Variants in WDPCP observed in about 807,000 individuals in gnomAD.
WDPCP encodes WD repeat-containing and planar cell polarity effector protein fritz homolog.
Under a neutral mutation model 93.1 loss-of-function variants are expected in WDPCP, and 71 were observed. The observed-to-expected ratio is 0.76, with a 90% CI of 0.63 to 0.93. WDPCP has a LOEUF of 0.93. Among genes scored for constraint, WDPCP ranks in the 40% least tolerant of loss-of-function variants. The probability of loss-of-function intolerance (pLI) is 0.00; values close to 1 mark genes in which losing one functional copy is unlikely to be tolerated. For missense variants in WDPCP, 844 were observed against 887.4 expected (o/e 0.95, Z 0.62); for synonymous variants, 315 against 315.0 (o/e 1.00, Z 0.00).
chr2:63,808,455 C>A (rs1374715838), intron 2 of WDPCP, among the ~76,000 whole-genome samples: 2 of 151,910 alleles, frequency 1.3e-5, no homozygotes, highest in East Asian at 1.9e-4. Context: ...GATTCTCCTG[C>A]CTCAGCCTGC....
intron 2 of WDPCP, among the ~76,000 whole-genome samples, chr2:63,771,254 A>C (rs1575769111): frequency 6.6e-6 from 1 of 151,826 alleles, no homozygotes; most frequent in Non-Finnish European, 1.5e-5. Flanking sequence ...AAAAATAATA[A>C]AATATTATAA....
upstream of WDPCP, among the ~76,000 whole-genome samples, chr2:63,591,496 A>G (rs1709201092): frequency 6.6e-6 from 1 of 152,234 alleles, no homozygotes; most frequent in African/African-American, 2.4e-5. Context: ...TACTGTGAAC[A>G]TGTTTTTAAG....
At chr2:63,414,061 C>G (rs545904290) in intron 9 of WDPCP, among the ~76,000 whole-genome samples, 5 of 151,686 alleles carry the variant, frequency 3.3e-5, no homozygotes, top group African/African-American at 1.2e-4. Context: ...AAATGGCCAA[C>G]AAACATATGA....
chr2:63,707,035 C>A (rs927474555), intron 2 of WDPCP, among the ~76,000 whole-genome samples: 8 of 148,402 alleles, frequency 5.4e-5, no homozygotes, highest in African/African-American at 1.7e-4. Flanking sequence ...GGTAACCCGA[C>A]CTTTCTTTCT....
At chr2:63,443,653 T>A (rs935352355) in intron 6 of WDPCP, among the ~76,000 whole-genome samples, 1 of 152,114 alleles carries the variant, frequency 6.6e-6, no homozygotes, top group Non-Finnish European at 1.5e-5. Context: ...ATAATTTATG[T>A]TTTAAAGCGG....
intron 2 of WDPCP, among the ~76,000 whole-genome samples, chr2:63,808,123 G>A (rs1670794521): frequency 6.6e-6 from 1 of 152,024 alleles, no homozygotes; most frequent in Non-Finnish European, 1.5e-5. Context: ...AAATAACTGA[G>A]GCCACAAGGC....
At chr2:63,434,402 C>T (rs1040920583) in intron 8 of WDPCP, among the ~76,000 whole-genome samples, 5 of 152,014 alleles carry the variant, frequency 3.3e-5, no homozygotes, top group African/African-American at 7.2e-5. Context: ...AGAATATATG[C>T]GACGTATACA....
intron 2 of WDPCP, among the ~76,000 whole-genome samples, chr2:63,789,702 A>G (rs1208565906): frequency 1.3e-5 from 2 of 152,216 alleles, no homozygotes; most frequent in Non-Finnish European, 2.9e-5. Context: ...AGGTACTGAA[A>G]TTAATGAAAA....
intron 13 of WDPCP, among the ~76,000 whole-genome samples, chr2:63,294,853 A>T (rs993524174): frequency 2.0e-5 from 3 of 152,212 alleles, no homozygotes; most frequent in African/African-American, 7.2e-5. Context: ...AATTCATTTT[A>T]AAAATTATGA....
At chr2:63,806,511 T>C (rs1670764884) in intron 2 of WDPCP, among the ~76,000 whole-genome samples, 1 of 152,204 alleles carries the variant, frequency 6.6e-6, no homozygotes, top group African/African-American at 2.4e-5. Context: ...TTGTCATTGA[T>C]AACATCTTAT....
chr2:63,797,673 T>C (rs1480802764), intron 2 of WDPCP, among the ~76,000 whole-genome samples: 1 of 151,744 alleles, frequency 6.6e-6, no homozygotes. Context: ...AAAGCACACC[T>C]ACAAAATCTA....
chr2:63,411,461 C>A (rs1695017710), intron 9 of WDPCP, among the ~76,000 whole-genome samples: 1 of 152,066 alleles, frequency 6.6e-6, no homozygotes, highest in Non-Finnish European at 1.5e-5. Flanking sequence ...TCTAAGGTCA[C>A]TTCAAGGAAT....
chr2:63,400,778 G>A (rs1694089515), intron 10 of WDPCP, among the ~76,000 whole-genome samples: 1 of 152,168 alleles, frequency 6.6e-6, no homozygotes, highest in South Asian at 2.1e-4. Context: ...CATGGTACTG[G>A]TACCAAAACT....
intron 14 of WDPCP, among the ~76,000 whole-genome samples, chr2:63,239,735 A>G (rs1679712987): frequency 6.6e-6 from 1 of 152,166 alleles, no homozygotes; most frequent in Non-Finnish European, 1.5e-5. Context: ...TTTCTATAAT[A>G]GCTCCTCTGC....
At chr2:63,832,280 A>G (rs1231447854), upstream of WDPCP, among the ~76,000 whole-genome samples, 3 of 152,208 alleles carry the variant, frequency 2.0e-5, no homozygotes, top group Non-Finnish European at 4.4e-5. Context: ...TCAGGTAATA[A>G]TGGCCTTCCT....
intron 10 of WDPCP, among the ~76,000 whole-genome samples, chr2:63,395,489 A>G (rs906717026): frequency 2.0e-5 from 3 of 152,092 alleles, no homozygotes; most frequent in African/African-American, 7.2e-5. Flanking sequence ...GCAGTTTTTG[A>G]CTTTGTTTTA....
At chr2:63,410,397 CACATCAAAACAGA>C (rs1305520966) in intron 9 of WDPCP, among the ~76,000 whole-genome samples, 1 of 152,138 alleles carries the variant, frequency 6.6e-6, no homozygotes, top group East Asian at 1.9e-4. Flanking sequence ...ATCCTGGAAA[CACATCAAAACAGA>C]ACACCTTTAA....
chr2:63,717,020 T>G (rs548280072), intron 2 of WDPCP: 4 of 222,826 alleles, frequency 1.8e-5, no homozygotes, highest in Non-Finnish European at 2.6e-5. Flanking sequence ...TTCAACCTTG[T>G]CCACTTCATC....
intron 13 of WDPCP, among the ~76,000 whole-genome samples, chr2:63,291,402 C>T (rs1252238400): frequency 1.3e-5 from 2 of 152,190 alleles, no homozygotes; most frequent in Non-Finnish European, 2.9e-5. Context: ...GTATGTGCTA[C>T]ACAGACTTAT....
Sources: allele counts gnomAD v4.1 joint callset (sites outside exome capture counted in the v4.1 genomes callset), GRCh38; gene constraint gnomAD v4.1.1; transcripts MANE v1.5; gene names NCBI Gene and HGNC (gene_info 2026-07-23, HGNC 2026-07-21).